BICC1: variants seen among roughly 807,000 people sequenced by gnomAD.
The protein encoded by BICC1 is BicC family RNA binding protein 1.
Under a neutral mutation model 111.0 loss-of-function variants are expected in BICC1, and 43 were observed. That is an observed-to-expected ratio of 0.39 (90% CI 0.30 to 0.50). The LOEUF (loss-of-function observed/expected upper bound fraction) is 0.50, where lower values mean the gene tolerates loss of function less well. Ranked by LOEUF, BICC1 falls within the 20% of genes least tolerant of loss-of-function variation. The pLI, the probability that BICC1 is intolerant of heterozygous loss-of-function variation, is 0.88. For synonymous variants in BICC1, 467 were observed against 434.4 expected, an observed-to-expected ratio of 1.07 and a Z score of -0.93; for missense variants, 1,091 against 1,203.2, an observed-to-expected ratio of 0.91 and a Z score of 1.38.
At chr10:58,628,706 A>G (rs1837706137) in intron 2 of BICC1, among the ~76,000 whole-genome samples, 3 of 152,198 alleles carry the variant, frequency 2.0e-5, no homozygotes. Context: ...CATAATATTC[A>G]TAATATTAAG....
At chr10:58,767,107 C>T (rs1392157925) in intron 3 of BICC1, among the ~76,000 whole-genome samples, 1 of 152,176 alleles carries the variant, frequency 6.6e-6, no homozygotes, top group Non-Finnish European at 1.5e-5. Context: ...CCCCCATGCC[C>T]CACATGCTTC....
intron 3 of BICC1, among the ~76,000 whole-genome samples, chr10:58,781,688 A>G (rs557359450): frequency 1.1e-4 from 16 of 152,316 alleles, no homozygotes; most frequent in Admixed American, 2.6e-4. Context: ...GGTCTAAAGG[A>G]AATCTTAATC....
At chr10:58,651,064 G>A (rs1838432121) in intron 2 of BICC1, among the ~76,000 whole-genome samples, 2 of 152,136 alleles carry the variant, frequency 1.3e-5, no homozygotes, top group African/African-American at 4.8e-5. Flanking sequence ...TGTAGACGAT[G>A]AGGAATGCCT....
At chr10:58,667,280 G>T (rs561752657) in intron 2 of BICC1, among the ~76,000 whole-genome samples, 85 of 132,618 alleles carry the variant, frequency 6.4e-4, no homozygotes, top group Admixed American at 3.3e-3. Flanking sequence ...ATTTCTCATA[G>T]CTATTAATGA....
chr10:58,665,634 C>T (rs1194560137), intron 2 of BICC1, among the ~76,000 whole-genome samples: 1 of 151,202 alleles, frequency 6.6e-6, no homozygotes, highest in African/African-American at 2.4e-5. Context: ...CAAGGCAAAA[C>T]CAGGCACTCA....
intron 1 of BICC1, among the ~76,000 whole-genome samples, chr10:58,550,020 A>G (rs1273419430): frequency 6.6e-6 from 1 of 151,708 alleles, no homozygotes; most frequent in African/African-American, 2.4e-5. Context: ...TATTTTAATT[A>G]TTTATTTAGT....
intron 3 of BICC1, among the ~76,000 whole-genome samples, chr10:58,769,323 GGTCA>G (rs1842548640): frequency 1.3e-5 from 2 of 148,960 alleles, no homozygotes; most frequent in Non-Finnish European, 3.0e-5. Context: ...CACGCACAGA[GGTCA>G]GTATGTGAAG....
chr10:58,789,443 C>T lies in BICC1; in HGVS notation c.782C>T (p.Thr261Ile), dbSNP rs1843109914. 2.5e-6 allele frequency: 4 copies of T among 1,612,608 alleles called. No individual in the cohort carries two copies. The highest frequency in any genetic ancestry group is 3.4e-6 in the Non-Finnish European group (4 of 1,179,182). Reference sequence around the variant, plus strand: ...ATAGTACGAGGGTCTCAGAATAACACTAGTGCTGTGAAGGTAAATTATTCA... The same window carrying T: ...ATAGTACGAGGGTCTCAGAATAACATTAGTGCTGTGAAGGTAAATTATTCA... ...TVIVRGSQNN[T>I]SAVKEGTAML... is the part of the protein sequence containing the mutation. Residue 261 changes from threonine to isoleucine, a missense_variant, in exon 7 of 21, where the codon ACT (threonine) becomes ATT (isoleucine). This residue lies in a region of BICC1 where 843 missense variants were observed against 900.8 expected (regional missense o/e 0.94). Coordinates refer to ENST00000373886, the MANE Select transcript of BICC1 (RefSeq NM_001080512.3).
Position 58,828,864 on chromosome 10 carries a change from C to T in BICC1, c.2898C>T (p.Asp966=), listed in dbSNP as rs1163343542. Residue 966 remains aspartate, a synonymous_variant, in exon 21 of 21, where the codon GAC becomes GAT. Coordinates refer to ENST00000373886, the MANE Select transcript of BICC1 (RefSeq NM_001080512.3). ...GGCTACCCCGTCAGTATCACTCAGA[C>T]ATTGCTAGTGTCAGTGGCCGCTGGT... ...SGRLPRQYHS[D]IASVSGRW The T allele has an allele frequency of 6.2e-7, 1 of 1,613,856 alleles. No individual in the cohort carries two copies. The highest frequency in any genetic ancestry group is 8.5e-7 in the Non-Finnish European group (1 of 1,179,884).
intron 1 of BICC1, among the ~76,000 whole-genome samples, chr10:58,547,115 A>G (rs1464496318): frequency 6.6e-6 from 1 of 152,162 alleles, no homozygotes; most frequent in Non-Finnish European, 1.5e-5. Context: ...ACCATCTTAT[A>G]TTAATTAATG....
At chr10:58,791,194 T>G (rs968462538) in intron 8 of BICC1, among the ~76,000 whole-genome samples, 2 of 152,188 alleles carry the variant, frequency 1.3e-5, no homozygotes, top group Non-Finnish European at 2.9e-5. Flanking sequence ...AGATTTATAT[T>G]TATATCCAAG....
chr10:58,613,476 C>T (rs1845500334), intron 1 of BICC1, among the ~76,000 whole-genome samples: 1 of 152,104 alleles, frequency 6.6e-6, no homozygotes, highest in South Asian at 2.1e-4. Flanking sequence ...TATGGTTTGG[C>T]TCATTTCACA....
intron 1 of BICC1, among the ~76,000 whole-genome samples, chr10:58,528,144 G>A (rs372224420): frequency 9.2e-5 from 14 of 151,808 alleles, no homozygotes; most frequent in Admixed American, 8.5e-4. Flanking sequence ...TTGGGCTAGC[G>A]GACCTGGCAT....
intron 3 of BICC1, among the ~76,000 whole-genome samples, chr10:58,725,854 T>C (rs898511974): frequency 3.3e-5 from 5 of 152,234 alleles, no homozygotes; most frequent in Non-Finnish European, 1.5e-5. Flanking sequence ...TTTTTTATGA[T>C]GAAGTAAGTT....
At chr10:58,591,507 T>C (rs954247749) in intron 1 of BICC1, among the ~76,000 whole-genome samples, 4 of 152,148 alleles carry the variant, frequency 2.6e-5, no homozygotes, top group Non-Finnish European at 4.4e-5. Flanking sequence ...AGGTTCTCTT[T>C]TATAAGGGCA....
chr10:58,547,417 G>A (rs1031037629), intron 1 of BICC1, among the ~76,000 whole-genome samples: 4 of 152,102 alleles, frequency 2.6e-5, no homozygotes, highest in Non-Finnish European at 5.9e-5. Flanking sequence ...AAGAGGTAAA[G>A]TACCATTCTC....
At chr10:58,513,602 G>T (rs1842158680) in intron 1 of BICC1, among the ~76,000 whole-genome samples, 1 of 152,188 alleles carries the variant, frequency 6.6e-6, no homozygotes, top group African/African-American at 2.4e-5. Context: ...TTGTACTGGC[G>T]CGCCCAAGTT....
At chr10:58,601,706 T>C (rs1055365064) in intron 1 of BICC1, among the ~76,000 whole-genome samples, 2 of 152,108 alleles carry the variant, frequency 1.3e-5, no homozygotes, top group African/African-American at 4.8e-5. Context: ...GTACAAACAC[T>C]ACATCATTAC....
intron 3 of BICC1, among the ~76,000 whole-genome samples, chr10:58,734,868 A>T (rs1841421490): frequency 6.6e-6 from 1 of 152,172 alleles, no homozygotes; most frequent in African/African-American, 2.4e-5. Flanking sequence ...ATAGTGCAAG[A>T]GCAGCAGAAA....
Sources: allele counts gnomAD v4.1 joint callset (sites outside exome capture counted in the v4.1 genomes callset), GRCh38; gene constraint gnomAD v4.1.1; regional missense constraint gnomAD v4.1.1; transcripts MANE v1.5; gene names NCBI Gene and HGNC (gene_info 2026-07-23, HGNC 2026-07-21).